MBD5: variants seen among roughly 807,000 people sequenced by gnomAD.
MBD5 encodes methyl-CpG binding domain protein 5, also known as methyl-CpG-binding domain protein 5.
A neutral mutation model predicts 117.3 loss-of-function variants in MBD5; 13 were observed. The observed-to-expected ratio is 0.11, with a 90% CI of 0.07 to 0.18. MBD5 has a LOEUF of 0.18. Among genes scored for constraint, MBD5 ranks in the 10% least tolerant of loss-of-function variants. The pLI, the probability that MBD5 is intolerant of heterozygous loss-of-function variation, is 1.00. For synonymous variants in MBD5, 727 were observed against 766.4 expected (o/e 0.95, Z 0.85); for missense variants, 1,879 against 2,093.8 (o/e 0.90, Z 2.00).
At chr2:148,508,805 A>C (rs1019306365) in intron 12 of MBD5, among the ~76,000 whole-genome samples, 5 of 152,178 alleles carry the variant, frequency 3.3e-5, no homozygotes, top group African/African-American at 1.2e-4. Context: ...CATCTGGGCC[A>C]CCTTTGACAA....
chr2:148,493,373 C>T (rs556971737), intron 11 of MBD5, among the ~76,000 whole-genome samples: 1 of 152,282 alleles, frequency 6.6e-6, no homozygotes, highest in South Asian at 2.1e-4. Context: ...AGATTTATTA[C>T]CCCTGACTCC....
chr2:148,191,019 C>T (rs959471570), intron 2 of MBD5, among the ~76,000 whole-genome samples: 2 of 149,760 alleles, frequency 1.3e-5, no homozygotes, highest in Admixed American at 6.7e-5. Flanking sequence ...AAGGCCATTA[C>T]ATAATGGTAA....
intron 2 of MBD5, among the ~76,000 whole-genome samples, chr2:148,223,428 A>T: frequency 6.6e-6 from 1 of 152,100 alleles, no homozygotes; most frequent in Non-Finnish European, 1.5e-5. Context: ...TACAGCTTCA[A>T]TCTCATTACT....
chr2:148,030,930 G>T (rs1204989625), intron 1 of MBD5, among the ~76,000 whole-genome samples: 1 of 152,136 alleles, frequency 6.6e-6, no homozygotes, highest in African/African-American at 2.4e-5. Flanking sequence ...ATTGAGGAAG[G>T]AACAATGGAT....
At chr2:148,453,638 A>ATGC (rs997594890) in intron 4 of MBD5, among the ~76,000 whole-genome samples, 4 of 152,100 alleles carry the variant, frequency 2.6e-5, no homozygotes, top group Admixed American at 2.0e-4. Context: ...GTGAGGCAAG[A>ATGC]TGCTGTGAAA....
At chr2:148,396,240 T>C (rs564086116) in intron 4 of MBD5, among the ~76,000 whole-genome samples, 44 of 152,336 alleles carry the variant, frequency 2.9e-4, no homozygotes, top group African/African-American at 1.1e-3. Flanking sequence ...AGCCATGGTA[T>C]GGAGACCTCC....
intron 3 of MBD5, among the ~76,000 whole-genome samples, chr2:148,303,064 G>A (rs994221668): frequency 6.6e-6 from 1 of 151,748 alleles, no homozygotes; most frequent in Non-Finnish European, 1.5e-5. Flanking sequence ...CTCAGAAAGT[G>A]AAATAATGAT....
At position 148,505,003 on chromosome 2, in the gene MBD5, A is replaced by G. The variant is rs550856173; in HGVS notation, c.5036+2494A>G. Among the ~76,000 whole-genome samples the G allele has an allele frequency of 9.9e-5, 15 of 152,244 alleles. No individual in the cohort carries two copies. The East Asian group carries it at 2.9e-3, about 29-fold the overall frequency. On this transcript the variant is annotated intron_variant, in intron 12 of 13. Coordinates refer to ENST00000642680, the MANE Select transcript of MBD5 (RefSeq NM_001378120.1). ...TAAGGCAACAATATTGAAGATGAAG[A>G]GATTGTTCAGGAGCCATGGCAGAAT...
chr2:148,158,969 G>A (rs1697939560), intron 1 of MBD5, among the ~76,000 whole-genome samples: 1 of 152,150 alleles, frequency 6.6e-6, no homozygotes, highest in East Asian at 1.9e-4. Flanking sequence ...TGATCTGCCC[G>A]CCTTGGCCTC....
intron 4 of MBD5, among the ~76,000 whole-genome samples, chr2:148,398,564 A>G (rs1470814413): frequency 1.3e-5 from 2 of 152,130 alleles, no homozygotes; most frequent in African/African-American, 2.4e-5. Flanking sequence ...CCTTTGTCAG[A>G]TGAGTAGATT....
In MBD5 at chr2:148,171,711, T is replaced by TA. The variant is rs1424843877; in HGVS notation, c.-924-6983dup. ...TTTGTTGATAACATGATCTTATGTATAAAAAACCCTACAGATTCTACCAAA... is the reference window on the plus strand; with the variant it reads ...TTTGTTGATAACATGATCTTATGTATAAAAAAACCCTACAGATTCTACCAAA... On this transcript the variant is annotated intron_variant, in intron 1 of 13. Coordinates refer to ENST00000642680, the MANE Select transcript of MBD5 (RefSeq NM_001378120.1). Among the ~76,000 whole-genome samples, 7 of 152,234 alleles carry TA rather than the reference T, an allele frequency of 4.6e-5. No individual in the cohort carries two copies. In the East Asian group the frequency reaches 7.7e-4, roughly 17 times the overall value.
chr2:148,489,791 C>G lies in MBD5; in HGVS notation c.4159C>G (p.His1387Asp). Reference protein sequence around the residue: ...IHGRNMGGVDHDGRLRNSRGA... With the variant: ...IHGRNMGGVDDDGRLRNSRGA... The stretch of plus-strand genomic sequence containing the variant: ...TGGACGGAACATGGGAGGTGTTGAT[C>G]ATGATGGTAGGCTGAGGAATTCAAG... The change falls in exon 11 of 14, where the codon CAT becomes GAT. Residue 1387 changes from histidine to aspartate, a missense_variant. This residue lies in a region of MBD5 where 1,666 missense variants were observed against 1,792.2 expected (regional missense o/e 0.93). Transcript: ENST00000642680. 2 of 1,614,090 alleles carry G rather than the reference C, an allele frequency of 1.2e-6. No homozygotes were observed. The highest frequency in any genetic ancestry group is 1.7e-6 in the Non-Finnish European group (2 of 1,180,024).
chr2:148,399,183 C>T (rs960583031), intron 4 of MBD5, among the ~76,000 whole-genome samples: 8 of 152,198 alleles, frequency 5.3e-5, no homozygotes, highest in African/African-American at 1.4e-4. Context: ...TTTCCAATTC[C>T]ATGAAGAAAG....
intron 4 of MBD5, among the ~76,000 whole-genome samples, chr2:148,345,360 CACATAT>C (rs1483439678): frequency 2.0e-5 from 3 of 147,578 alleles, no homozygotes; most frequent in African/African-American, 4.9e-5. Context: ...TACACATATA[CACATAT>C]ACATATACAC....
intron 1 of MBD5, chr2:148,027,713 A>G (rs1308068044): frequency 1.3e-5 from 2 of 152,156 alleles, no homozygotes; most frequent in East Asian, 3.8e-4. Context: ...AACCTTTTGA[A>G]TAAGGGATAT....
chr2:148,126,360 C>T (rs1013711768), intron 1 of MBD5, among the ~76,000 whole-genome samples: 9 of 141,150 alleles, frequency 6.4e-5, no homozygotes, highest in African/African-American at 1.9e-4. Context: ...GAGCCAAGAT[C>T]GTGCCACTGT....
In MBD5 at chr2:148,078,350, A is replaced by G. The variant is rs188722019; in HGVS notation, c.-925+56666A>G. On this transcript the variant is annotated intron_variant, in intron 1 of 13. Coordinates refer to ENST00000642680, the MANE Select transcript of MBD5 (RefSeq NM_001378120.1). Reference sequence around the variant, plus strand: ...TCTGAGCTTATATACTAGATGTCCTATGTATCCAGTGGGTGATCATTTACT... The same window carrying G: ...TCTGAGCTTATATACTAGATGTCCTGTGTATCCAGTGGGTGATCATTTACT... Among the ~76,000 whole-genome samples the G allele has an allele frequency of 9.2e-5, 14 of 152,268 alleles. No individual in the cohort carries two copies. In the East Asian group the frequency reaches 1.7e-3, roughly 19 times the overall value.
At chr2:148,290,054 C>G (rs1701465485) in intron 3 of MBD5, among the ~76,000 whole-genome samples, 1 of 149,142 alleles carries the variant, frequency 6.7e-6, no homozygotes, top group South Asian at 2.1e-4. Flanking sequence ...CTCCTGAACT[C>G]AAGCAATTAT....
chr2:148,294,507 T>TTTTTTTTGTTTTTTTTTTTGTTTG lies in MBD5; in HGVS notation c.-679-47700_-679-47699insGTTTTTTTTTTTGTTTGTTTTTTT, dbSNP rs1218239671. Reference sequence around the variant, plus strand: ...CCAAAGTGCTGGGATTACAGTTTTTTTTTTTTTTTTTTTTGAGATAGAGCT... The same window carrying TTTTTTTTGTTTTTTTTTTTGTTTG: ...CCAAAGTGCTGGGATTACAGTTTTTTTTTTTTTGTTTTTTTTTTTGTTTGTTTTTTTTTTTTTTGAGATAGAGCT... On this transcript the variant is annotated intron_variant, in intron 3 of 13. Transcript: ENST00000642680. Among the ~76,000 whole-genome samples the TTTTTTTTGTTTTTTTTTTTGTTTG allele has an allele frequency of 6.4e-5, 8 of 124,260 alleles. 1 individual carries two copies. Among genetic ancestry groups the TTTTTTTTGTTTTTTTTTTTGTTTG allele is most frequent in the African/African-American group, 2.3e-4 (7 of 30,732 alleles). 81.5% of individuals were successfully genotyped at this position (124,260 alleles called of 152,430 possible).
Sources: gnomAD v4.1 joint callset for allele counts (sites outside exome capture counted in the v4.1 genomes callset) on GRCh38, gnomAD v4.1.1 for gene constraint, gnomAD v4.1.1 regional missense constraint, MANE v1.5 for transcripts, NCBI Gene and HGNC (gene_info 2026-07-23, HGNC 2026-07-21) for gene names.